The following SLC35F1 variants were observed in gnomAD, a reference collection of about 807,000 sequenced individuals.
The protein encoded by SLC35F1 is solute carrier family 35 member F1, also known as chromosome 6 open reading frame 169.
Under a neutral mutation model 48.7 loss-of-function variants are expected in SLC35F1, and 14 were observed. The observed-to-expected ratio is 0.29, with a 90% CI of 0.19 to 0.45. The LOEUF (loss-of-function observed/expected upper bound fraction) is 0.45. Ranked by LOEUF, SLC35F1 falls within the 20% of genes least tolerant of loss-of-function variation. The probability of loss-of-function intolerance (pLI) is 1.00; values close to 1 mark genes in which losing one functional copy is unlikely to be tolerated. For missense variants in SLC35F1, 404 were observed against 500.0 expected, an observed-to-expected ratio of 0.81 and a Z score of 1.83; for synonymous variants, 190 against 202.2, an observed-to-expected ratio of 0.94 and a Z score of 0.51.
chr6:118,039,727 T>C (rs1772183881), intron 1 of SLC35F1, among the ~76,000 whole-genome samples: 1 of 151,870 alleles, frequency 6.6e-6, no homozygotes, highest in African/African-American at 2.4e-5. Context: ...GATTTTCTGT[T>C]CTTCTTGTAG....
intron 2 of SLC35F1, among the ~76,000 whole-genome samples, chr6:118,196,888 C>T (rs1774809724): frequency 6.6e-6 from 1 of 151,772 alleles, no homozygotes; most frequent in Non-Finnish European, 1.5e-5. Context: ...CATAAGGGTC[C>T]CATTTTATTC....
chr6:118,265,228 T>G (rs1775757358), intron 3 of SLC35F1, among the ~76,000 whole-genome samples: 1 of 152,240 alleles, frequency 6.6e-6, no homozygotes, highest in South Asian at 2.1e-4. Flanking sequence ...TGTTCAGGGA[T>G]GCTTTGCAAA....
rs138188371 is a variant in SLC35F1, at chr6:118,142,971, T to C, written c.174-11474T>C. 3.8e-3 allele frequency among the ~76,000 whole-genome samples: 583 copies of C among 152,298 alleles called. 4 individuals carry two copies. The highest frequency in any genetic ancestry group is 0.013 in the African/African-American group (531 of 41,572). On this transcript the variant is annotated intron_variant, in intron 1 of 7. Transcript: ENST00000360388. ...TACTTATTTATCCAGGTTCTCTGCA[T>C]GTTCTTTCAAGTTAAATGCATAATT...
intron 4 of SLC35F1, among the ~76,000 whole-genome samples, chr6:118,270,136 C>A (rs376995126): frequency 6.6e-5 from 10 of 152,134 alleles, no homozygotes; most frequent in African/African-American, 2.4e-4. Flanking sequence ...GTTTCATCTT[C>A]GTTTGGGATT....
At chr6:117,951,894 CTATCCATTAAGCCCA>C (rs1396826637) in intron 1 of SLC35F1, among the ~76,000 whole-genome samples, 1 of 152,184 alleles carries the variant, frequency 6.6e-6, no homozygotes, top group Non-Finnish European at 1.5e-5. Flanking sequence ...GCGCCTAAAG[CTATCCATTAAGCCCA>C]AGGGATTTCC....
chr6:118,059,901 A>G (rs1407512581), intron 1 of SLC35F1, among the ~76,000 whole-genome samples: 4 of 152,238 alleles, frequency 2.6e-5, no homozygotes, highest in African/African-American at 9.6e-5. Flanking sequence ...GTAGGAGAAG[A>G]AACACTATAC....
Position 118,042,228 on chromosome 6 carries a change from A to T in SLC35F1, c.174-112217A>T, listed in dbSNP as rs188105479. On this transcript the variant is annotated intron_variant, in intron 1 of 7. Coordinates refer to ENST00000360388, the MANE Select transcript of SLC35F1 (RefSeq NM_001029858.4). ...TGTGCTAGACACTAGGAATACAAAGATAAATAAGACACTGTCCTAGCCTTT... is the reference window on the plus strand; with the variant it reads ...TGTGCTAGACACTAGGAATACAAAGTTAAATAAGACACTGTCCTAGCCTTT... Among the ~76,000 whole-genome samples the T allele has an allele frequency of 2.1e-4, 32 of 152,328 alleles. 1 individual carries two copies. In the East Asian group the frequency reaches 5.0e-3, roughly 24 times the overall value.
At chr6:118,166,619 T>C (rs1774321803) in intron 2 of SLC35F1, among the ~76,000 whole-genome samples, 3 of 151,272 alleles carry the variant, frequency 2.0e-5, no homozygotes, top group Admixed American at 2.0e-4. Flanking sequence ...AAGTAACTTC[T>C]TTTCAACAGA....
At chr6:118,087,588 G>A (rs186104574) in intron 1 of SLC35F1, among the ~76,000 whole-genome samples, 2 of 152,160 alleles carry the variant, frequency 1.3e-5, no homozygotes, top group East Asian at 3.9e-4. Flanking sequence ...GCTCTTGCTA[G>A]GCTCAGCCCA....
chr6:118,146,635 TA>T (rs1377324573), intron 1 of SLC35F1, among the ~76,000 whole-genome samples: 1 of 152,230 alleles, frequency 6.6e-6, no homozygotes, highest in Non-Finnish European at 1.5e-5. Context: ...ACTACATGGT[TA>T]TTTTTATATT....
intron 4 of SLC35F1, among the ~76,000 whole-genome samples, chr6:118,273,519 G>A (rs1223280110): frequency 6.6e-6 from 1 of 152,076 alleles, no homozygotes; most frequent in East Asian, 1.9e-4. Flanking sequence ...ACTGGATCAT[G>A]TTCATTATAA....
intron 1 of SLC35F1, among the ~76,000 whole-genome samples, chr6:117,932,192 C>T (rs749060529): frequency 7.2e-5 from 11 of 152,306 alleles, no homozygotes; most frequent in Middle Eastern, 3.4e-3. Context: ...GCTCACTAGA[C>T]ACGAAATCTG....
intron 1 of SLC35F1, among the ~76,000 whole-genome samples, chr6:117,977,200 T>TA (rs1776716344): frequency 7.0e-6 from 1 of 142,324 alleles, no homozygotes; most frequent in Non-Finnish European, 1.6e-5. Flanking sequence ...TTTCTTTCTT[T>TA]CTTTTTTTTT....
intron 1 of SLC35F1, among the ~76,000 whole-genome samples, chr6:117,917,554 G>A (rs1775842046): frequency 6.6e-6 from 1 of 152,040 alleles, no homozygotes; most frequent in Non-Finnish European, 1.5e-5. Context: ...GGCAGATGAG[G>A]GAGAGGAATA....
At chr6:118,230,704 C>T (rs1003876819) in intron 2 of SLC35F1, among the ~76,000 whole-genome samples, 4 of 152,204 alleles carry the variant, frequency 2.6e-5, no homozygotes, top group African/African-American at 9.7e-5. Flanking sequence ...GATGATAAGG[C>T]TGGCGTGGTG....
At chr6:117,975,614 A>G (rs1460350058) in intron 1 of SLC35F1, among the ~76,000 whole-genome samples, 3 of 152,222 alleles carry the variant, frequency 2.0e-5, no homozygotes, top group East Asian at 1.9e-4. Context: ...TTAGAGTGAT[A>G]GGAGATGTGA....
chr6:117,950,548 C>G (rs1218609531), intron 1 of SLC35F1, among the ~76,000 whole-genome samples: 1 of 152,182 alleles, frequency 6.6e-6, no homozygotes, highest in South Asian at 2.1e-4. Context: ...ATATATAAAT[C>G]TGTGCCTTCA....
chr6:118,070,912 A>G (rs2114296114), intron 1 of SLC35F1, among the ~76,000 whole-genome samples: 1 of 129,610 alleles, frequency 7.7e-6, no homozygotes, highest in Non-Finnish European at 1.6e-5. Flanking sequence ...CTATATATAT[A>G]TACATAGTAA....
Position 118,154,519 on chromosome 6 carries a change from A to G in SLC35F1, c.248A>G (p.Tyr83Cys). Residue 83 changes from tyrosine to cysteine, a missense_variant, in exon 2 of 8, where the codon TAT becomes TGT. Physicochemically the swap from Tyr to Cys is radical, Grantham distance 194. Coordinates refer to ENST00000360388, the MANE Select transcript of SLC35F1 (RefSeq NM_001029858.4). Reference sequence around the variant, plus strand: ...TGTGGAATTGGCTTGACTAGCAAGTATCTGTCAGAAGATTTCCACGCCAAC... The same window carrying G: ...TGTGGAATTGGCTTGACTAGCAAGTGTCTGTCAGAAGATTTCCACGCCAAC... ...LICGIGLTSK[Y>C]LSEDFHANTP... The G allele has an allele frequency of 1.2e-6, 2 of 1,614,026 alleles. No homozygotes were observed.
Sources: allele counts gnomAD v4.1 joint callset (sites outside exome capture counted in the v4.1 genomes callset), GRCh38; gene constraint gnomAD v4.1.1; transcripts MANE v1.5; gene names NCBI Gene and HGNC (gene_info 2026-07-23, HGNC 2026-07-21).